Variants in LGSN observed in about 807,000 individuals in gnomAD.
LGSN encodes the protein lengsin.
A neutral mutation model predicts 19.5 loss-of-function variants in LGSN; 21 were observed. The observed-to-expected ratio is 1.07, with a 90% confidence interval of 0.76 to 1.55. The LOEUF is 1.55. Among genes scored for constraint, LGSN ranks in the 40% most tolerant of loss-of-function variants. The probability of loss-of-function intolerance (pLI) is 0.00; values close to 1 mark genes in which losing one functional copy is unlikely to be tolerated. For missense variants in LGSN, 673 were observed against 608.5 expected (o/e 1.11, Z -1.12); for synonymous variants, 257 against 215.6 (o/e 1.19, Z -1.68).
rs374598814 is a variant in LGSN at position 63,287,528 on chromosome 6, C to T, written c.164-1775G>A. Among the ~76,000 whole-genome samples the T allele has an allele frequency of 5.9e-5, 9 of 151,930 alleles. No individual in the cohort carries two copies. In the East Asian group the frequency reaches 1.8e-3, roughly 30 times the overall value. ...TTCAAGACCAGCCTGGGCAACATAG[C>T]AAAACCCCATTTCTACTAAAAATAC... On this transcript the variant is annotated intron_variant, in intron 2 of 3. Transcript: ENST00000370657.
chr6:63,447,958 A>G, the LGSN span, among the ~76,000 whole-genome samples: 5 of 152,218 alleles, frequency 3.3e-5, no homozygotes, highest in African/African-American at 1.2e-4. Flanking sequence ...CAAGAAACTC[A>G]AAGAGCCTAG....
the LGSN span, chr6:63,395,987 G>A: frequency 6.5e-6 from 1 of 153,938 alleles, no homozygotes; most frequent in Admixed American, 6.5e-5. Context: ...GACTGAAATG[G>A]AGAGATGACT....
the LGSN span, among the ~76,000 whole-genome samples, chr6:63,505,571 A>AAGAAAG: frequency 9.7e-3 from 402 of 41,650 alleles, 49 homozygotes; most frequent in African/African-American, 0.018. Context: ...AAAAAAAAGA[A>AAGAAAG]AGAAAGAAAG....
At chr6:63,387,870 G>T in the LGSN span, among the ~76,000 whole-genome samples, 1 of 151,306 alleles carries the variant, frequency 6.6e-6, no homozygotes, top group Non-Finnish European at 1.5e-5. Context: ...TTTATTGATT[G>T]ATTTATTGAT....
chr6:63,344,084 A>G, the LGSN span, among the ~76,000 whole-genome samples: 3 of 152,216 alleles, frequency 2.0e-5, no homozygotes, highest in Non-Finnish European at 4.4e-5. Context: ...GCCCAGCCCA[A>G]AATCAAAACA....
chr6:63,419,599 A>G, the LGSN span, among the ~76,000 whole-genome samples: 1 of 152,106 alleles, frequency 6.6e-6, no homozygotes, highest in Admixed American at 6.6e-5. Context: ...AGTACTTGAT[A>G]CTTTTTCGGC....
chr6:63,366,431 A>C, the LGSN span, among the ~76,000 whole-genome samples: 5 of 152,166 alleles, frequency 3.3e-5, no homozygotes, highest in East Asian at 1.9e-4. Flanking sequence ...TGCTCAACGA[A>C]ATAAAAGAGG....
chr6:63,563,013 A>T, the LGSN span, among the ~76,000 whole-genome samples: 19,685 of 152,014 alleles, frequency 0.13, 1,593 homozygotes, highest in African/African-American at 0.22. Context: ...GTGATGTAAA[A>T]CTTCTCCATT....
chr6:63,419,526 C>T, the LGSN span, among the ~76,000 whole-genome samples: 1 of 152,066 alleles, frequency 6.6e-6, no homozygotes, highest in East Asian at 1.9e-4. Flanking sequence ...TTAGCTGGGG[C>T]TCCTCCATTT....
At chr6:63,511,020 A>G in the LGSN span, among the ~76,000 whole-genome samples, 2 of 151,932 alleles carry the variant, frequency 1.3e-5, no homozygotes, top group Non-Finnish European at 2.9e-5. Flanking sequence ...TAAGCTAATG[A>G]TGGCAATAAA....
At chr6:63,334,251 G>A in the LGSN span, among the ~76,000 whole-genome samples, 1 of 152,074 alleles carries the variant, frequency 6.6e-6, no homozygotes, top group Non-Finnish European at 1.5e-5. Flanking sequence ...ATTCAAAAAT[G>A]ATAAATTCAG....
At chr6:63,372,222 G>T in the LGSN span, among the ~76,000 whole-genome samples, 1 of 152,144 alleles carries the variant, frequency 6.6e-6, no homozygotes, top group African/African-American at 2.4e-5. Context: ...CTTAGTCCCG[G>T]GCTGTTGACT....
At chr6:63,432,796 G>A in the LGSN span, among the ~76,000 whole-genome samples, 17 of 151,998 alleles carry the variant, frequency 1.1e-4, no homozygotes, top group Non-Finnish European at 2.9e-5. Context: ...AAAGATTACT[G>A]AATAGATAGT....
the LGSN span, chr6:63,548,763 C>A: frequency 5.7e-6 from 4 of 702,170 alleles, no homozygotes; most frequent in Non-Finnish European, 1.0e-5. Context: ...CTTGCCAATG[C>A]AAGCCACAGA....
At chr6:63,447,028 A>G in the LGSN span, among the ~76,000 whole-genome samples, 2 of 152,244 alleles carry the variant, frequency 1.3e-5, no homozygotes, top group African/African-American at 4.8e-5. Flanking sequence ...CAGCCTGGGC[A>G]AAAGGAGTGA....
the LGSN span, among the ~76,000 whole-genome samples, chr6:63,417,069 C>T: frequency 6.6e-6 from 1 of 152,080 alleles, no homozygotes; most frequent in Non-Finnish European, 1.5e-5. Flanking sequence ...TGTGATGCTG[C>T]ACCTGGCACC....
At chr6:63,563,368 T>C in the LGSN span, among the ~76,000 whole-genome samples, 1 of 152,106 alleles carries the variant, frequency 6.6e-6, no homozygotes, top group Non-Finnish European at 1.5e-5. Flanking sequence ...ACTCCTTGAG[T>C]ACCAACCAAA....
the LGSN span, among the ~76,000 whole-genome samples, chr6:63,469,507 T>G: frequency 6.6e-6 from 1 of 152,054 alleles, no homozygotes; most frequent in Non-Finnish European, 1.5e-5. Context: ...GGGTGGGGAG[T>G]TAAAAGATAT....
At chr6:63,501,093 T>G in the LGSN span, among the ~76,000 whole-genome samples, 81,354 of 151,798 alleles carry the variant, frequency 0.54, 23,614 homozygotes, top group African/African-American at 0.77. Flanking sequence ...AGAGGAAGAC[T>G]GGGCCTGGTG....
Sources: gnomAD v4.1 joint callset for allele counts (sites outside exome capture counted in the v4.1 genomes callset) on GRCh38, gnomAD v4.1.1 for gene constraint, MANE v1.5 for transcripts, NCBI Gene and HGNC (gene_info 2026-07-23, HGNC 2026-07-21) for gene names.